The following WFDC11 variants were observed in gnomAD, a reference collection of about 807,000 sequenced individuals.
WFDC11 encodes the protein WAP four-disulfide core domain 11.
WFDC11 carries 9 observed loss-of-function variants against 9.9 expected under a neutral mutation model. The ratio of observed to expected loss-of-function variants is 0.91; its 90% confidence interval spans 0.55 to 1.58. The LOEUF (loss-of-function observed/expected upper bound fraction) is 1.58, where lower values mean the gene tolerates loss of function less well. Among genes scored for constraint, WFDC11 ranks in the 40% most tolerant of loss-of-function variants. The pLI is 0.00. For synonymous variants in WFDC11, 32 were observed against 33.3 expected (o/e 0.96, Z 0.13); for missense variants, 106 against 101.7 (o/e 1.04, Z -0.18).
chr20:45,655,014 C>G (rs911899562), intron 2 of WFDC11, among the ~76,000 whole-genome samples: 2 of 152,192 alleles, frequency 1.3e-5, no homozygotes, highest in Non-Finnish European at 2.9e-5. Context: ...CAAGGAGAAG[C>G]TGGTACCATT....
intron 2 of WFDC11, among the ~76,000 whole-genome samples, chr20:45,658,870 C>T (rs955034237): frequency 2.6e-5 from 4 of 151,824 alleles, no homozygotes; most frequent in Non-Finnish European, 4.4e-5. Flanking sequence ...ATCCCTCCCC[C>T]ACATCCCCCG....
At chr20:45,663,163 C>T (rs910373756) in intron 2 of WFDC11, among the ~76,000 whole-genome samples, 3 of 152,052 alleles carry the variant, frequency 2.0e-5, no homozygotes. Flanking sequence ...GTGTATGTGT[C>T]CAGGAATTTA....
intron 2 of WFDC11, among the ~76,000 whole-genome samples, chr20:45,657,434 G>T (rs1488161748): frequency 8.2e-6 from 1 of 121,592 alleles, no homozygotes; most frequent in East Asian, 3.0e-4. Context: ...GGCCTGTTGT[G>T]GGGTGGGGGG....
intron 2 of WFDC11, among the ~76,000 whole-genome samples, chr20:45,654,310 A>G (rs1437385498): frequency 2.6e-5 from 4 of 152,248 alleles, no homozygotes; most frequent in Non-Finnish European, 5.9e-5. Flanking sequence ...TGGAAACTGA[A>G]CAACCTGCTC....
intron 2 of WFDC11, among the ~76,000 whole-genome samples, chr20:45,654,350 G>A (rs571342458): frequency 6.6e-6 from 1 of 152,292 alleles, no homozygotes; most frequent in African/African-American, 2.4e-5. Flanking sequence ...ATAACAAAAT[G>A]AAGGCAGAAA....
At chr20:45,662,952 A>T (rs1278336749) in intron 2 of WFDC11, among the ~76,000 whole-genome samples, 3 of 152,164 alleles carry the variant, frequency 2.0e-5, no homozygotes, top group Non-Finnish European at 4.4e-5. Flanking sequence ...GTTAGGGAGG[A>T]TTCCCTCTTT....
chr20:45,654,007 C>T (rs1399516809), intron 2 of WFDC11, among the ~76,000 whole-genome samples: 14 of 152,178 alleles, frequency 9.2e-5, no homozygotes, highest in Non-Finnish European at 1.9e-4. Flanking sequence ...CCACTGTCAA[C>T]ATTAGACAGA....
intron 3 of WFDC11, 123 bp from the exon 4 acceptor site, chr20:45,649,522 C>T: frequency 8.0e-7 from 1 of 1,251,124 alleles, no homozygotes; most frequent in Non-Finnish European, 1.1e-6. Context: ...ACCAAGATAT[C>T]TATTTGCCTT....
At chr20:45,666,504 A>G (rs1206318155) in intron 2 of WFDC11, among the ~76,000 whole-genome samples, 2 of 152,208 alleles carry the variant, frequency 1.3e-5, no homozygotes, top group African/African-American at 4.8e-5. Flanking sequence ...AATCTTCTGC[A>G]TTGATCACGC....
intron 2 of WFDC11, among the ~76,000 whole-genome samples, chr20:45,655,881 A>C (rs1000863498): frequency 3.3e-5 from 5 of 152,160 alleles, no homozygotes; most frequent in Non-Finnish European, 1.5e-5. Flanking sequence ...TACAATGGAC[A>C]TGAAGGACCT....
intron 2 of WFDC11, 55 bp downstream of exon 2, chr20:45,667,033 G>C (rs1983200713): frequency 6.6e-6 from 1 of 152,230 alleles, no homozygotes; most frequent in South Asian, 2.1e-4. Flanking sequence ...CAAGACAAAG[G>C]TGAAAGCTTT....
intron 2 of WFDC11, among the ~76,000 whole-genome samples, chr20:45,655,760 A>G (rs1002041462): frequency 1.3e-5 from 2 of 152,260 alleles, no homozygotes; most frequent in African/African-American, 4.8e-5. Context: ...TCAGTATTCA[A>G]AAATCACAAG....
At chr20:45,652,278 T>A (rs879900185) in intron 2 of WFDC11, among the ~76,000 whole-genome samples, 1 of 152,052 alleles carries the variant, frequency 6.6e-6, no homozygotes, top group Non-Finnish European at 1.5e-5. Context: ...TGTTCACCAA[T>A]CTCCGCTGTT....
chr20:45,660,581 A>G (rs1321548606), intron 2 of WFDC11, among the ~76,000 whole-genome samples: 1 of 152,054 alleles, frequency 6.6e-6, no homozygotes, highest in African/African-American at 2.4e-5. Context: ...CCACCCCACA[A>G]CAGTCCCCAG....
At chr20:45,667,758 T>C (rs746040523) in intron 1 of WFDC11, among the ~76,000 whole-genome samples, 4 of 152,238 alleles carry the variant, frequency 2.6e-5, no homozygotes, top group Non-Finnish European at 4.4e-5. Flanking sequence ...AGAATAGCAG[T>C]ACTTTCTTCA....
At chr20:45,655,835 A>T (rs778731306) in intron 2 of WFDC11, among the ~76,000 whole-genome samples, 15 of 152,114 alleles carry the variant, frequency 9.9e-5, no homozygotes, top group Non-Finnish European at 1.0e-4. Flanking sequence ...CATTCACAAT[A>T]GCTTCAAAAA....
chr20:45,651,609 C>T (rs1982807618), intron 2 of WFDC11, among the ~76,000 whole-genome samples: 1 of 152,146 alleles, frequency 6.6e-6, no homozygotes, highest in African/African-American at 2.4e-5. Context: ...GGGTGCAGCA[C>T]ACCGAGCATG....
chr20:45,661,963 T>G (rs1391649065), intron 2 of WFDC11, among the ~76,000 whole-genome samples: 1 of 152,202 alleles, frequency 6.6e-6, no homozygotes, highest in Non-Finnish European at 1.5e-5. Flanking sequence ...AGAAAGTCAT[T>G]GGTAGCTTGA....
intron 2 of WFDC11, among the ~76,000 whole-genome samples, chr20:45,665,318 A>T (rs1983164413): frequency 6.6e-6 from 1 of 152,104 alleles, no homozygotes; most frequent in South Asian, 2.1e-4. Context: ...CATTCATCTG[A>T]CTTTTTCTTA....
Sources: allele counts gnomAD v4.1 joint callset (sites outside exome capture counted in the v4.1 genomes callset), GRCh38; gene constraint gnomAD v4.1.1; transcripts MANE v1.5; gene names NCBI Gene and HGNC (gene_info 2026-07-23, HGNC 2026-07-21).